The following CNTNAP3B variants were observed in gnomAD, a reference collection of about 807,000 sequenced individuals.
CNTNAP3B encodes contactin associated protein family member 3B.
In CNTNAP3B, 25 loss-of-function variants were observed where a neutral mutation model predicts 108.9. The observed-to-expected ratio is 0.23, with a 90% CI of 0.17 to 0.32. The LOEUF is 0.32. Ranked by LOEUF, CNTNAP3B falls within the 10% of genes least tolerant of loss-of-function variation. CNTNAP3B has a pLI of 1.00. For synonymous variants in CNTNAP3B, 103 were observed against 473.4 expected (o/e 0.22, Z 10.16); for missense variants, 252 against 1,210.4 (o/e 0.21, Z 11.75).
intron 9 of CNTNAP3B, chr9:41,979,908 T>G (rs1224759525): frequency 1.5e-5 from 2 of 136,850 alleles, no homozygotes; most frequent in Admixed American, 7.3e-5. Flanking sequence ...ATATGTAATC[T>G]TTTTCAGTAT....
chr9:42,124,000 T>C (rs1192425838), intron 1 of CNTNAP3B, among the ~76,000 whole-genome samples: 2 of 130,962 alleles, frequency 1.5e-5, no homozygotes, highest in Non-Finnish European at 3.2e-5. Flanking sequence ...AATGTGATTA[T>C]ACTTAATCAA....
intron 1 of CNTNAP3B, among the ~76,000 whole-genome samples, chr9:42,116,412 C>A (rs941290215): frequency 7.7e-6 from 1 of 130,306 alleles, no homozygotes; most frequent in Non-Finnish European, 1.6e-5. Flanking sequence ...AATTTCATAT[C>A]CAGCCAAACT....
intron 13 of CNTNAP3B, among the ~76,000 whole-genome samples, chr9:41,952,385 C>T (rs1196506198): frequency 1.3e-5 from 2 of 152,178 alleles, no homozygotes; most frequent in Admixed American, 1.3e-4. Flanking sequence ...GATCCTCCCG[C>T]CTATATACTA....
chr9:41,945,401 T>C (rs1393038548), intron 13 of CNTNAP3B, among the ~76,000 whole-genome samples: 4 of 152,300 alleles, frequency 2.6e-5, no homozygotes, highest in Non-Finnish European at 5.9e-5. Context: ...ATTAAGAAAA[T>C]GTGGCACATA....
At chr9:41,928,036 C>T (rs959653582) in intron 15 of CNTNAP3B, among the ~76,000 whole-genome samples, 2 of 151,964 alleles carry the variant, frequency 1.3e-5, no homozygotes, top group Non-Finnish European at 2.9e-5. Context: ...AAGCATATTT[C>T]ATTTTAGAAA....
intron 14 of CNTNAP3B, among the ~76,000 whole-genome samples, chr9:41,936,191 C>G (rs1316159084): frequency 6.6e-6 from 1 of 152,310 alleles, no homozygotes; most frequent in Non-Finnish European, 1.5e-5. Flanking sequence ...GCAGGAGAAT[C>G]GCTTGAATCC....
intron 14 of CNTNAP3B, among the ~76,000 whole-genome samples, chr9:41,934,473 G>A (rs796520092): frequency 1.6e-3 from 250 of 152,218 alleles, no homozygotes; most frequent in African/African-American, 5.7e-3. Flanking sequence ...TGCCCGCCTC[G>A]GCCTCCCAAA....
intron 8 of CNTNAP3B, among the ~76,000 whole-genome samples, chr9:41,990,782 G>T (rs1825791742): frequency 7.3e-6 from 1 of 136,118 alleles, no homozygotes; most frequent in South Asian, 2.4e-4. Flanking sequence ...CAGCTCTGTA[G>T]TTAACAAACT....
intron 2 of CNTNAP3B, among the ~76,000 whole-genome samples, chr9:42,096,401 C>A (rs1170266031): frequency 8.6e-5 from 12 of 139,874 alleles, no homozygotes; most frequent in East Asian, 6.6e-4. Context: ...CCCTTTCAAA[C>A]TTTTTCTACC....
intron 15 of CNTNAP3B, among the ~76,000 whole-genome samples, chr9:41,927,824 A>G (rs1823861721): frequency 6.6e-6 from 1 of 151,972 alleles, no homozygotes; most frequent in East Asian, 1.9e-4. Flanking sequence ...GACATTGGGA[A>G]AAGCTTAGAA....
intron 10 of CNTNAP3B, among the ~76,000 whole-genome samples, chr9:41,967,530 T>A (rs1825317868): frequency 6.6e-6 from 1 of 152,294 alleles, no homozygotes; most frequent in South Asian, 2.1e-4. Flanking sequence ...CTAATACAAT[T>A]AGATTTTTGT....
intron 14 of CNTNAP3B, among the ~76,000 whole-genome samples, chr9:41,933,146 A>T (rs1824032624): frequency 6.6e-6 from 1 of 152,196 alleles, no homozygotes; most frequent in South Asian, 2.1e-4. Context: ...TTACAGACTA[A>T]TTTGAGGAGA....
intron 3 of CNTNAP3B, among the ~76,000 whole-genome samples, chr9:42,019,925 TGTA>T (rs1420958849): frequency 7.6e-6 from 1 of 131,678 alleles, no homozygotes; most frequent in African/African-American, 3.1e-5. Flanking sequence ...AAAATGTATG[TGTA>T]TATGCACTTA....
chr9:42,094,168 C>T (rs1827852790), intron 2 of CNTNAP3B, among the ~76,000 whole-genome samples: 1 of 138,656 alleles, frequency 7.2e-6, no homozygotes, highest in Non-Finnish European at 1.5e-5. Context: ...ATACAAACAC[C>T]TAGTAAGCAC....
intron 1 of CNTNAP3B, among the ~76,000 whole-genome samples, chr9:42,117,889 C>T (rs1204544354): frequency 7.2e-6 from 1 of 139,282 alleles, no homozygotes; most frequent in African/African-American, 2.8e-5. Flanking sequence ...TCAGAGAATA[C>T]TATAACACCT....
intron 3 of CNTNAP3B, among the ~76,000 whole-genome samples, chr9:42,037,193 G>A (rs959619866): frequency 4.0e-5 from 6 of 148,290 alleles, no homozygotes; most frequent in Middle Eastern, 3.2e-3. Flanking sequence ...AAAGCGGGAC[G>A]GAGAATGACT....
chr9:41,960,155 A>T (rs1825030943), intron 12 of CNTNAP3B: 1 of 158,814 alleles, frequency 6.3e-6, no homozygotes, highest in African/African-American at 2.4e-5. Context: ...GGGCGCCACC[A>T]TGCCCAGCTA....
At chr9:42,024,821 G>T (rs1438359569) in intron 3 of CNTNAP3B, among the ~76,000 whole-genome samples, 14 of 144,834 alleles carry the variant, frequency 9.7e-5, no homozygotes, top group African/African-American at 3.4e-4. Context: ...TTCTCATCCA[G>T]TTTCTCAGGA....
chr9:42,103,623 C>T (rs1828046000), intron 2 of CNTNAP3B, among the ~76,000 whole-genome samples: 1 of 103,040 alleles, frequency 9.7e-6, no homozygotes, highest in African/African-American at 3.8e-5. Flanking sequence ...TAGTCCTAGC[C>T]ACTTGGGAGG....
Sources: gnomAD v4.1 joint callset for allele counts (sites outside exome capture counted in the v4.1 genomes callset) on GRCh38, gnomAD v4.1.1 for gene constraint, MANE v1.5 for transcripts, NCBI Gene and HGNC (gene_info 2026-07-23, HGNC 2026-07-21) for gene names.